The following SH3RF1 variants were observed in gnomAD, a reference collection of about 807,000 sequenced individuals.
SH3RF1 encodes the protein SH3 domain containing ring finger 1.
A neutral mutation model predicts 74.0 loss-of-function variants in SH3RF1; 32 were observed. The observed-to-expected ratio is 0.43, with a 90% CI of 0.33 to 0.58. The LOEUF (loss-of-function observed/expected upper bound fraction) is 0.58. Among genes scored for constraint, SH3RF1 ranks in the 20% least tolerant of loss-of-function variants. SH3RF1 has a pLI of 0.05. For synonymous variants in SH3RF1, 396 were observed against 439.6 expected, an observed-to-expected ratio of 0.90 and a Z score of 1.24; for missense variants, 954 against 1,130.9, an observed-to-expected ratio of 0.84 and a Z score of 2.24.
intron 2 of SH3RF1, among the ~76,000 whole-genome samples, chr4:169,176,846 T>C (rs935740828): frequency 3.9e-5 from 6 of 152,204 alleles, no homozygotes; most frequent in Non-Finnish European, 7.3e-5. Context: ...GGCCAATTTA[T>C]ATAGTTCCTT....
At chr4:169,261,451 G>C (rs1001776860) in intron 2 of SH3RF1, among the ~76,000 whole-genome samples, 2 of 152,174 alleles carry the variant, frequency 1.3e-5, no homozygotes, top group Admixed American at 6.5e-5. Flanking sequence ...GTCAACTGCA[G>C]GTAAGGGAAG....
chr4:169,185,433 C>A (rs898982175), intron 2 of SH3RF1, among the ~76,000 whole-genome samples: 1 of 152,106 alleles, frequency 6.6e-6, no homozygotes, highest in Non-Finnish European at 1.5e-5. Context: ...CCAGAAAAAA[C>A]AAAACAAACA....
chr4:169,202,584 T>C (rs1579134800), intron 2 of SH3RF1, among the ~76,000 whole-genome samples: 4 of 152,372 alleles, frequency 2.6e-5, no homozygotes, highest in East Asian at 1.9e-4. Flanking sequence ...ACAGTGACAA[T>C]TGTCTGAACC....
chr4:169,103,495 C>G (rs1283120331), intron 11 of SH3RF1, among the ~76,000 whole-genome samples: 1 of 152,168 alleles, frequency 6.6e-6, no homozygotes. Context: ...AATGTTTTCT[C>G]AATCATACTG....
At chr4:169,106,640 G>C (rs754912362) in intron 11 of SH3RF1, among the ~76,000 whole-genome samples, 8 of 152,200 alleles carry the variant, frequency 5.3e-5, no homozygotes, top group Middle Eastern at 6.8e-3. Context: ...GAAGGCTGGG[G>C]ACCAACCCAT....
chr4:169,129,475 A>T lies in SH3RF1; in HGVS notation c.1179+571T>A, dbSNP rs114360054. Among the ~76,000 whole-genome samples, 752 of 152,320 alleles carry T rather than the reference A, an allele frequency of 4.9e-3. 5 individuals are homozygous for T. Among genetic ancestry groups the T allele is most frequent in the African/African-American group, 0.017 (687 of 41,572 alleles). On this transcript the variant is annotated intron_variant, in intron 6 of 11. Transcript: ENST00000284637. ...CCCATTTGGATGTTTTTAAGCAATT[A>T]GCCGTTTAGACTCTATCTGTAGGAT...
chr4:169,122,032 T>C, intron 7 of SH3RF1, 68 bp downstream of exon 7: 1 of 1,579,800 alleles, frequency 6.3e-7, no homozygotes, highest in Non-Finnish European at 8.6e-7. Flanking sequence ...AAGGTGTTTC[T>C]TGACCTCTGA....
At chr4:169,157,510 G>A (rs1734079801) in intron 2 of SH3RF1, among the ~76,000 whole-genome samples, 1 of 152,204 alleles carries the variant, frequency 6.6e-6, no homozygotes, top group Non-Finnish European at 1.5e-5. Flanking sequence ...ATCATCAACT[G>A]ATTAATATGA....
In SH3RF1 at chr4:169,123,629, C is replaced by T. The variant is rs115766579; in HGVS notation, c.1180-1363G>A. Among the ~76,000 whole-genome samples, 1,101 of 152,286 alleles carry T rather than the reference C, an allele frequency of 7.2e-3. 15 individuals carry two copies. Among genetic ancestry groups the T allele is most frequent in the African/African-American group, 0.025 (1,053 of 41,574 alleles). On this transcript the variant is annotated intron_variant, in intron 6 of 11. Transcript: ENST00000284637. ...TATAGCTCGCAGGCGCAGTGGCTCA[C>T]GCCTGTAATCCCAGCACTTTGGGAG... is the stretch of plus-strand genomic sequence containing the variant.
chr4:169,128,329 T>G (rs1274596722), intron 6 of SH3RF1, among the ~76,000 whole-genome samples: 1 of 152,196 alleles, frequency 6.6e-6, no homozygotes, highest in Non-Finnish European at 1.5e-5. Flanking sequence ...AAAAGTTAAC[T>G]GAAATTCATC....
At chr4:169,120,775 C>T (rs1292741006) in intron 8 of SH3RF1, 44 bp downstream of exon 8, 1 of 1,590,426 alleles carries the variant, frequency 6.3e-7, no homozygotes, top group Non-Finnish European at 8.6e-7. Context: ...AAGAACAAAG[C>T]TTCTCTGTTT....
At chr4:169,138,573 G>A (rs1028381044) in intron 4 of SH3RF1, among the ~76,000 whole-genome samples, 5 of 152,218 alleles carry the variant, frequency 3.3e-5, no homozygotes, top group African/African-American at 1.2e-4. Context: ...AGAAGTAGAG[G>A]AGGGAGTTGA....
At chr4:169,260,119 G>C (rs569950487) in intron 2 of SH3RF1, among the ~76,000 whole-genome samples, 2 of 152,320 alleles carry the variant, frequency 1.3e-5, no homozygotes, top group African/African-American at 4.8e-5. Context: ...GTGCAAAGGA[G>C]AGCTGGGGGC....
At chr4:169,140,207 T>C (rs561897527) in intron 4 of SH3RF1, among the ~76,000 whole-genome samples, 1 of 152,214 alleles carries the variant, frequency 6.6e-6, no homozygotes, top group Non-Finnish European at 1.5e-5. Context: ...AAGCAGCTTT[T>C]GCTGTAAGTA....
At chr4:169,240,156 A>T (rs1730883155) in intron 2 of SH3RF1, among the ~76,000 whole-genome samples, 1 of 152,104 alleles carries the variant, frequency 6.6e-6, no homozygotes, top group South Asian at 2.1e-4. Flanking sequence ...GTCAATTAAA[A>T]CTTCTCAAGG....
chr4:169,132,029 C>T (rs1453327669), intron 5 of SH3RF1, among the ~76,000 whole-genome samples: 2 of 152,254 alleles, frequency 1.3e-5, no homozygotes, highest in South Asian at 2.1e-4. Context: ...AGCCGCTGCT[C>T]GGGCTGCTCC....
rs1313273066 is a variant in SH3RF1, at chr4:169,268,686, G to C, written c.393+134C>G. The C allele has an allele frequency of 3.4e-6, 3 of 891,980 alleles. No homozygotes were observed. The African/African-American group carries it at 5.0e-5, about 15-fold the overall frequency. The allele number at this position is 891,980 out of a possible 1,614,324, so 55.3% of individuals were successfully genotyped here. A position where few individuals can be genotyped will look rare whatever the true frequency, so the allele number is the denominator to read the frequency against. On this transcript the variant is annotated intron_variant, in intron 2 of 11. Coordinates refer to ENST00000284637, the MANE Select transcript of SH3RF1 (RefSeq NM_020870.4). ...AGATGGGGGAAAAAAATATTCAGAG[G>C]TATAATCTATCTGTTCCAGTATGTA...
intron 2 of SH3RF1, among the ~76,000 whole-genome samples, chr4:169,255,820 T>C (rs1476561611): frequency 6.6e-6 from 1 of 151,944 alleles, no homozygotes. Context: ...CAGGCTAGAG[T>C]GCAGTGGCGT....
chr4:169,147,562 G>A (rs1215198548), intron 4 of SH3RF1, among the ~76,000 whole-genome samples: 1 of 152,190 alleles, frequency 6.6e-6, no homozygotes, highest in African/African-American at 2.4e-5. Context: ...TCAGGACTTT[G>A]CACGTTTGTT....
Sources: allele counts gnomAD v4.1 joint callset (sites outside exome capture counted in the v4.1 genomes callset), GRCh38; gene constraint gnomAD v4.1.1; transcripts MANE v1.5; gene names NCBI Gene and HGNC (gene_info 2026-07-23, HGNC 2026-07-21).